Variants in PHLPP2 observed in about 807,000 individuals in gnomAD.
PHLPP2 encodes PH domain leucine-rich repeat-containing protein phosphatase 2.
A neutral mutation model predicts 124.9 loss-of-function variants in PHLPP2; 66 were observed. That is an observed-to-expected ratio of 0.53 (90% CI 0.43 to 0.65). The LOEUF is 0.65. Among genes scored for constraint, PHLPP2 ranks in the 30% least tolerant of loss-of-function variants. The pLI is 0.00. For missense variants in PHLPP2, 1,685 were observed against 1,600.4 expected (o/e 1.05, Z -0.90); for synonymous variants, 681 against 624.7 (o/e 1.09, Z -1.34).
chr16:71,683,018 C>A (rs536004272), intron 5 of PHLPP2, among the ~76,000 whole-genome samples: 2 of 151,886 alleles, frequency 1.3e-5, no homozygotes, highest in Admixed American at 6.6e-5. Flanking sequence ...TAAAAATACA[C>A]AGATTAGCTG....
At position 71,667,226 on chromosome 16, in the gene PHLPP2, T is replaced by A; in HGVS notation, c.1736A>T (p.His579Leu). ...GTCTGGCAGCCTCGTGAGTGCATTA[T>A]GCTGAAGATCCAGCACCTCGAGGGG... ...HIPLEVLDLQHNALTRLPDTL... is the reference protein window; with the variant it reads ...HIPLEVLDLQLNALTRLPDTL... Residue 579 changes from histidine to leucine, a missense_variant, in exon 12 of 19, where the codon CAT (histidine) becomes CTT (leucine). Transcript: ENST00000568954. 6.2e-7 allele frequency: 1 copy of A among 1,614,034 alleles called. No individual in the cohort carries two copies.
At chr16:71,677,864 A>C (rs1048411211) in intron 8 of PHLPP2, 3 of 152,202 alleles carry the variant, frequency 2.0e-5, no homozygotes, top group Admixed American at 6.5e-5. Context: ...ATTTATGGAA[A>C]TCTACAAACT....
At chr16:71,664,864 G>T (rs562771852) in intron 12 of PHLPP2, among the ~76,000 whole-genome samples, 1 of 152,258 alleles carries the variant, frequency 6.6e-6, no homozygotes, top group Non-Finnish European at 1.5e-5. Context: ...CTATACACAT[G>T]CTATTATAGA....
At chr16:71,703,627 C>T (rs559950333) in intron 2 of PHLPP2, among the ~76,000 whole-genome samples, 11 of 151,984 alleles carry the variant, frequency 7.2e-5, no homozygotes, top group African/African-American at 2.4e-4. Context: ...AGTGGCTAAA[C>T]GTATAGGCTC....
chr16:71,650,661 G>C (rs756800102), intron 18 of PHLPP2, among the ~76,000 whole-genome samples: 2 of 152,210 alleles, frequency 1.3e-5, no homozygotes, highest in African/African-American at 4.8e-5. Context: ...CCTGCTTGCA[G>C]GTTGGGAATG....
Position 71,658,770 on chromosome 16 carries a change from G to A in PHLPP2, c.2031C>T (p.Gly677=), listed in dbSNP as rs1251895747. The A allele has an allele frequency of 3.7e-6, 6 of 1,613,960 alleles. No individual in the cohort carries two copies. Among genetic ancestry groups the A allele is most frequent in the African/African-American group, 1.3e-5 (1 of 74,890 alleles). The change falls in exon 14 of 19, where the codon GGC becomes GGT. Residue 677 remains glycine (G), a synonymous_variant. Coordinates refer to ENST00000568954, the MANE Select transcript of PHLPP2 (RefSeq NM_015020.3). ...TTGTGGGAATGGTTTTAAGCTTGTTGCCACTTAGGTTCAGTTCCTCCAATT... is the reference window on the plus strand; with the variant it reads ...TTGTGGGAATGGTTTTAAGCTTGTTACCACTTAGGTTCAGTTCCTCCAATT... ...LEQLEELNLS[G]NKLKTIPTTI...
Position 71,722,057 on chromosome 16 carries a change from C to G in PHLPP2, c.-7+2272G>C, listed in dbSNP as rs73580244. On this transcript the variant is annotated intron_variant, in intron 1 of 18. Transcript: ENST00000568954. ...TCAGAGAAAAATGAGTGGGAGATGA[C>G]TCTTCCCAATTCAGAGTATTCTACT... Among the ~76,000 whole-genome samples the G allele has an allele frequency of 2.5e-3, 375 of 152,240 alleles. 2 individuals carry two copies. Among genetic ancestry groups the G allele is most frequent in the African/African-American group, 8.1e-3 (336 of 41,530 alleles).
intron 16 of PHLPP2, among the ~76,000 whole-genome samples, chr16:71,655,883 T>C (rs1039321394): frequency 6.6e-6 from 1 of 152,126 alleles, no homozygotes; most frequent in Non-Finnish European, 1.5e-5. Context: ...CTAGACATGA[T>C]AATTAAGCAA....
chr16:71,678,419 C>T (rs988105730), intron 8 of PHLPP2: 18 of 224,328 alleles, frequency 8.0e-5, no homozygotes, highest in Middle Eastern at 1.8e-3. Context: ...GGGTGGACTG[C>T]TCGAGTCCAG....
At chr16:71,654,174 G>C (rs995753118) in intron 17 of PHLPP2, among the ~76,000 whole-genome samples, 1 of 122,512 alleles carries the variant, frequency 8.2e-6, no homozygotes, top group Non-Finnish European at 1.6e-5. Flanking sequence ...CAGCCTGGGG[G>C]ACAGAGCAAG....
chr16:71,662,386 C>A (rs567685981), intron 13 of PHLPP2, among the ~76,000 whole-genome samples: 1 of 151,810 alleles, frequency 6.6e-6, no homozygotes, highest in African/African-American at 2.4e-5. Context: ...GCCAAGACCA[C>A]GCCACAGCAC....
chr16:71,672,174 G>C (rs1278705511), intron 10 of PHLPP2, 88 bp downstream of exon 10: 1 of 880,820 alleles, frequency 1.1e-6, no homozygotes, highest in East Asian at 2.5e-5. Flanking sequence ...AAAATACTTA[G>C]ATTTCTTGTA....
rs148405472 is a variant in PHLPP2 at position 71,649,137 on chromosome 16, T to A, written c.3725A>T (p.Asn1242Ile). Residue 1242 changes from asparagine (N) to isoleucine (I), a missense_variant, in exon 19 of 19, where the codon AAT becomes ATT. Coordinates refer to ENST00000568954, the MANE Select transcript of PHLPP2 (RefSeq NM_015020.3). The stretch of plus-strand genomic sequence containing the variant: ...GTCCTCTAGGGGCACAATAGAGCCA[T>A]TGGAGAGTTTCTTCCCATAGAGGCA... ...TSCLYGKKLS[N>I]GSIVPLEDSL... 3 of 1,614,102 alleles carry A rather than the reference T, an allele frequency of 1.9e-6. No individual in the cohort carries two copies. Among genetic ancestry groups the A allele is most frequent in the Non-Finnish European group, 2.5e-6 (3 of 1,179,972 alleles).
At chr16:71,680,243 CAG>C (rs879667040) in intron 6 of PHLPP2, among the ~76,000 whole-genome samples, 20 of 152,072 alleles carry the variant, frequency 1.3e-4, no homozygotes, top group Non-Finnish European at 2.8e-4. Context: ...AACTCATAGA[CAG>C]AGCAATAGCT....
intron 6 of PHLPP2, among the ~76,000 whole-genome samples, chr16:71,681,171 T>C (rs1484247642): frequency 6.6e-6 from 1 of 152,196 alleles, no homozygotes; most frequent in African/African-American, 2.4e-5. Context: ...CACATATTTA[T>C]TCACTGCGTC....
chr16:71,668,120 T>C (rs1214049511), intron 11 of PHLPP2, among the ~76,000 whole-genome samples: 1 of 151,956 alleles, frequency 6.6e-6, no homozygotes, highest in Non-Finnish European at 1.5e-5. Flanking sequence ...TGATTAAGAG[T>C]GAAGGCTCTG....
chr16:71,676,331 T>C, intron 9 of PHLPP2, 116 bp downstream of exon 9: 1 of 721,616 alleles, frequency 1.4e-6, no homozygotes, highest in East Asian at 2.7e-5. Context: ...TTTGCCTCAA[T>C]GAGCCACAAA....
chr16:71,707,015 G>A (rs1282265866), intron 2 of PHLPP2, among the ~76,000 whole-genome samples: 1 of 123,552 alleles, frequency 8.1e-6, no homozygotes, highest in Non-Finnish European at 1.6e-5. Context: ...GTGCAGTGGC[G>A]CAATCTCGGC....
intron 2 of PHLPP2, among the ~76,000 whole-genome samples, chr16:71,706,303 A>C (rs2045273720): frequency 1.3e-5 from 2 of 152,258 alleles, no homozygotes; most frequent in South Asian, 4.1e-4. Flanking sequence ...ACAGCAGATT[A>C]TACCGCTTAG....
Sources: allele counts gnomAD v4.1 joint callset (sites outside exome capture counted in the v4.1 genomes callset), GRCh38; gene constraint gnomAD v4.1.1; transcripts MANE v1.5; gene names NCBI Gene and HGNC (gene_info 2026-07-23, HGNC 2026-07-21).